The following XPO4 variants were observed in gnomAD, a reference collection of about 807,000 sequenced individuals.
XPO4 encodes exportin-4.
Under a neutral mutation model 143.0 loss-of-function variants are expected in XPO4, and 39 were observed. The observed-to-expected ratio is 0.27, with a 90% CI of 0.21 to 0.36. The LOEUF (loss-of-function observed/expected upper bound fraction) is 0.36. Ranked by LOEUF, XPO4 falls within the 10% of genes least tolerant of loss-of-function variation. The probability of loss-of-function intolerance (pLI) is 1.00; values close to 1 mark genes in which losing one functional copy is unlikely to be tolerated. For synonymous variants in XPO4, 439 were observed against 474.0 expected (o/e 0.93, Z 0.96); for missense variants, 907 against 1,348.0 (o/e 0.67, Z 5.12).
intron 1 of XPO4, among the ~76,000 whole-genome samples, chr13:20,901,681 C>A (rs1174704067): frequency 6.6e-6 from 1 of 152,090 alleles, no homozygotes. Context: ...AGAATTAGTT[C>A]GAATATTCTC....
chr13:20,786,713 C>T (rs1278219947), intron 22 of XPO4, among the ~76,000 whole-genome samples: 1 of 152,042 alleles, frequency 6.6e-6, no homozygotes, highest in African/African-American at 2.4e-5. Context: ...GGGCAGTGAC[C>T]ATTGCAAAGG....
At chr13:20,823,196 C>CA (rs2059741689) in intron 7 of XPO4, among the ~76,000 whole-genome samples, 1 of 152,190 alleles carries the variant, frequency 6.6e-6, no homozygotes, top group Non-Finnish European at 1.5e-5. Flanking sequence ...CTTTCCCACA[C>CA]AAAGTTCTCT....
intron 3 of XPO4, 94 bp from the exon 4 acceptor site, chr13:20,855,859 T>C: frequency 7.7e-7 from 1 of 1,304,074 alleles, no homozygotes; most frequent in East Asian, 2.4e-5. Flanking sequence ...ACTAATAACA[T>C]TGCTTACATG....
chr13:20,883,821 G>A (rs1414930688), intron 1 of XPO4, among the ~76,000 whole-genome samples: 1 of 152,188 alleles, frequency 6.6e-6, no homozygotes, highest in Non-Finnish European at 1.5e-5. Context: ...AGGATGGAGT[G>A]CAATGGCGTG....
chr13:20,902,625 C>CG, intron 1 of XPO4, 45 bp downstream of exon 1: 2 of 1,512,222 alleles, frequency 1.3e-6, no homozygotes, highest in Non-Finnish European at 8.9e-7. Flanking sequence ...CAGGGCCGAC[C>CG]GGGGGCCCGC....
In XPO4 at chr13:20,814,089, C is replaced by A. The variant is rs183905639; in HGVS notation, c.1174-4122G>T. Reference sequence around the variant, plus strand: ...CTTAACAAAGCATGTGCTTTACAGCCATCATTTGTTAAGTCTTAACAGTTT... The same window carrying A: ...CTTAACAAAGCATGTGCTTTACAGCAATCATTTGTTAAGTCTTAACAGTTT... On this transcript the variant is annotated intron_variant, in intron 9 of 22. Coordinates refer to ENST00000255305, the MANE Select transcript of XPO4 (RefSeq NM_022459.5). Among the ~76,000 whole-genome samples the A allele has an allele frequency of 1.6e-4, 24 of 151,100 alleles. No individual in the cohort carries two copies. The East Asian group carries it at 3.7e-3, about 23-fold the overall frequency.
intron 13 of XPO4, among the ~76,000 whole-genome samples, chr13:20,801,574 T>C (rs2059432856): frequency 6.6e-6 from 1 of 152,232 alleles, no homozygotes; most frequent in African/African-American, 2.4e-5. Context: ...CATATTGTCC[T>C]TTCCTACACT....
At chr13:20,897,092 G>C (rs1409925424) in intron 1 of XPO4, among the ~76,000 whole-genome samples, 3 of 152,082 alleles carry the variant, frequency 2.0e-5, no homozygotes, top group African/African-American at 4.8e-5. Flanking sequence ...TGCTGTGCCA[G>C]TTTTCTAATA....
chr13:20,789,364 T>C (rs897374766), intron 19 of XPO4, among the ~76,000 whole-genome samples: 1 of 151,378 alleles, frequency 6.6e-6, no homozygotes, highest in Non-Finnish European at 1.5e-5. Context: ...TTCTCGTATG[T>C]ACTCACCTTC....
At chr13:20,831,083 A>AC (rs1159132589) in intron 6 of XPO4, among the ~76,000 whole-genome samples, 5 of 152,176 alleles carry the variant, frequency 3.3e-5, no homozygotes, top group African/African-American at 1.2e-4. Flanking sequence ...AACCATTTCA[A>AC]CCCCAGATAA....
chr13:20,841,889 C>T lies in XPO4; in HGVS notation c.727+1006G>A, dbSNP rs945137210. Among the ~76,000 whole-genome samples, 3 of 151,498 alleles carry T rather than the reference C, an allele frequency of 2.0e-5. No homozygotes were observed. The East Asian group carries it at 5.8e-4, about 29-fold the overall frequency. On this transcript the variant is annotated intron_variant, in intron 6 of 22. Transcript: ENST00000255305. ...CTGTCTGCTTATCATCAGTCTTTTT[C>T]TCCTGAACAGACTCTCAGATTAAAA... is the stretch of plus-strand genomic sequence containing the variant.
At position 20,853,352 on chromosome 13, in the gene XPO4, A is replaced by AAAG. The variant is rs1555339706; in HGVS notation, c.456+2274_456+2275insCTT. 1.3e-5 allele frequency among the ~76,000 whole-genome samples: 2 copies of AAAG among 150,694 alleles called. 1 individual carries two copies. The highest frequency in any genetic ancestry group is 4.9e-5 in the African/African-American group (2 of 40,804). ...ACCCTGTCTCAAAAAAAAAAAAAAA[A>AAAG]TAGCTTCCTACCCAGGTACAGTAGC... On this transcript the variant is annotated intron_variant, in intron 4 of 22. Coordinates refer to ENST00000255305, the MANE Select transcript of XPO4 (RefSeq NM_022459.5).
intron 17 of XPO4, 43 bp downstream of exon 17, chr13:20,796,721 A>G (rs1298502298): frequency 7.1e-7 from 1 of 1,413,838 alleles, no homozygotes; most frequent in East Asian, 2.5e-5. Context: ...TTACAGCTTC[A>G]AAGAGTTTTA....
chr13:20,851,687 G>A, intron 4 of XPO4: 2 of 851,226 alleles, frequency 2.3e-6, no homozygotes, highest in Non-Finnish European at 2.8e-6. Context: ...TCCAGCCGAG[G>A]CAACAGAGCA....
chr13:20,857,519 A>C (rs145892198), intron 3 of XPO4, among the ~76,000 whole-genome samples: 3,127 of 152,030 alleles, frequency 0.021, 84 homozygotes, highest in Middle Eastern at 0.075. Context: ...CGAGGTCAGG[A>C]GATAGAGACC....
At chr13:20,789,465 G>C (rs1477156614) in intron 19 of XPO4, among the ~76,000 whole-genome samples, 1 of 150,254 alleles carries the variant, frequency 6.7e-6, no homozygotes, top group African/African-American at 2.5e-5. Context: ...CACAATCTTG[G>C]CTCACTGCAA....
At chr13:20,896,598 A>G (rs1010332092) in intron 1 of XPO4, among the ~76,000 whole-genome samples, 2 of 152,192 alleles carry the variant, frequency 1.3e-5, no homozygotes, top group Non-Finnish European at 2.9e-5. Flanking sequence ...CATCTTTCCA[A>G]AGAACTAATG....
rs369188166 is a variant in XPO4, at chr13:20,807,442, T to C, written c.1817+15A>G. The C allele has an allele frequency of 3.4e-5, 54 of 1,605,752 alleles. No homozygotes were observed. The highest frequency in any genetic ancestry group is 1.6e-4 in the South Asian group (14 of 88,930). ...TATAAAAATTACAAGAGCACAGCTA[T>C]AGAGTTTATATTACCTAATCACAGA... On this transcript the variant is annotated intron_variant, in intron 13 of 22. Coordinates refer to ENST00000255305, the MANE Select transcript of XPO4 (RefSeq NM_022459.5).
At position 20,891,121 on chromosome 13, in the gene XPO4, TTA is replaced by T. The variant is rs1491427603; in HGVS notation, c.69+11547_69+11548del. On this transcript the variant is annotated intron_variant, in intron 1 of 22. Transcript: ENST00000255305. ...AACAAGAGCAAAACTCCATCTCAAT[TTA>T]AAAAAAAAAAAAAAAAAAAAAAAAA... Among the ~76,000 whole-genome samples, 175 of 86,030 alleles carry T rather than the reference TTA, an allele frequency of 2.0e-3. 6 individuals carry two copies. Among genetic ancestry groups the T allele is most frequent in the African/African-American group, 7.9e-3 (167 of 21,090 alleles). The allele number at this position is 86,030 out of a possible 152,430, so 56.4% of individuals were successfully genotyped here.
Sources: allele counts gnomAD v4.1 joint callset (sites outside exome capture counted in the v4.1 genomes callset), GRCh38; gene constraint gnomAD v4.1.1; transcripts MANE v1.5; gene names NCBI Gene and HGNC (gene_info 2026-07-23, HGNC 2026-07-21).